YTHDC2: variants seen among roughly 807,000 people sequenced by gnomAD.
YTHDC2 encodes the protein 3'-5' RNA helicase YTHDC2.
YTHDC2 carries 45 observed loss-of-function variants against 174.9 expected under a neutral mutation model. That is an observed-to-expected ratio of 0.26 (90% CI 0.20 to 0.33). The LOEUF (loss-of-function observed/expected upper bound fraction) is 0.33, where lower values mean the gene tolerates loss of function less well. YTHDC2 is among the 10% of genes least tolerant of loss of function. YTHDC2 has a pLI of 1.00. For missense variants in YTHDC2, 1,650 were observed against 1,723.7 expected (o/e 0.96, Z 0.76); for synonymous variants, 657 against 574.5 (o/e 1.14, Z -2.05).
At chr5:113,574,324 G>A (rs1479307353) in intron 23 of YTHDC2, among the ~76,000 whole-genome samples, 4 of 152,168 alleles carry the variant, frequency 2.6e-5, no homozygotes, top group Non-Finnish European at 5.9e-5. Context: ...ATGGAAGCCA[G>A]CTCCTTCCTC....
intron 4 of YTHDC2, among the ~76,000 whole-genome samples, chr5:113,532,585 A>G (rs1453744985): frequency 6.6e-6 from 1 of 152,166 alleles, no homozygotes; most frequent in Non-Finnish European, 1.5e-5. Context: ...TTTTCTTTAT[A>G]TATTCAGGTC....
At chr5:113,581,174 C>T in intron 24 of YTHDC2, 1 of 349,462 alleles carries the variant, frequency 2.9e-6, no homozygotes, top group Non-Finnish European at 5.1e-6. Context: ...CACACTCTGC[C>T]ACAACTATTG....
At chr5:113,577,362 GTGTTTGTT>G (rs71719068) in intron 23 of YTHDC2, among the ~76,000 whole-genome samples, 20 of 151,224 alleles carry the variant, frequency 1.3e-4, no homozygotes, top group South Asian at 4.2e-4. Context: ...CAGTTCTTTT[GTGTTTGTT>G]TGTTTGTTTG....
At chr5:113,524,917 G>T (rs1774112349) in intron 2 of YTHDC2, 64 bp from the exon 3 acceptor site, 1 of 1,163,816 alleles carries the variant, frequency 8.6e-7, no homozygotes, top group East Asian at 3.0e-5. Flanking sequence ...TTCTAAGTGG[G>T]CATACATCAT....
At chr5:113,543,737 C>G (rs1381652275) in intron 10 of YTHDC2, among the ~76,000 whole-genome samples, 1 of 152,176 alleles carries the variant, frequency 6.6e-6, no homozygotes. Context: ...TTGCCACTTG[C>G]CTCCTTGTTC....
At chr5:113,579,514 T>A (rs1778264140) in intron 23 of YTHDC2, 72 bp from the exon 24 acceptor site, 1 of 1,162,444 alleles carries the variant, frequency 8.6e-7, no homozygotes, top group South Asian at 1.7e-5. Context: ...TGAAGCGTAT[T>A]TATTCTTCTT....
chr5:113,542,934 A>G (rs1377384420), intron 10 of YTHDC2, among the ~76,000 whole-genome samples: 2 of 152,160 alleles, frequency 1.3e-5, no homozygotes, highest in Admixed American at 6.5e-5. Flanking sequence ...AACTTCCAGT[A>G]TTTCATACTT....
chr5:113,535,497 G>C, intron 6 of YTHDC2, 145 bp from the exon 7 acceptor site: 1 of 702,936 alleles, frequency 1.4e-6, no homozygotes, highest in Non-Finnish European at 2.1e-6. Context: ...TGAAATTCCT[G>C]TAATACAAAA....
intron 12 of YTHDC2, among the ~76,000 whole-genome samples, chr5:113,550,520 T>C (rs1776181321): frequency 1.3e-5 from 2 of 152,122 alleles, no homozygotes; most frequent in African/African-American, 4.8e-5. Flanking sequence ...TAACAAAAAT[T>C]GTAGGAACTG....
At chr5:113,533,504 G>A (rs180812777) in intron 5 of YTHDC2, among the ~76,000 whole-genome samples, 2 of 151,024 alleles carry the variant, frequency 1.3e-5, no homozygotes, top group East Asian at 2.0e-4. Flanking sequence ...AGCTGAGATC[G>A]CACCATGGCA....
intron 22 of YTHDC2, 131 bp downstream of exon 22, chr5:113,567,428 C>A (rs28369527): frequency 0.21 from 75,425 of 358,842 alleles, 11,945 homozygotes; most frequent in African/African-American, 0.57. Context: ...ATATATATAT[C>A]ATTAAATATT....
At chr5:113,519,367 G>T (rs1773705469) in intron 2 of YTHDC2, among the ~76,000 whole-genome samples, 1 of 152,050 alleles carries the variant, frequency 6.6e-6, no homozygotes, top group African/African-American at 2.4e-5. Flanking sequence ...TCACGCTGAG[G>T]TCAGTGTGTT....
chr5:113,592,283 C>T (rs1779050326), intron 28 of YTHDC2, 105 bp downstream of exon 28: 1 of 1,142,056 alleles, frequency 8.8e-7, no homozygotes, highest in Non-Finnish European at 1.2e-6. Context: ...TTTTATATTC[C>T]ATATGCACAT....
intron 4 of YTHDC2, among the ~76,000 whole-genome samples, chr5:113,529,104 A>G (rs922792698): frequency 6.6e-6 from 1 of 152,176 alleles, no homozygotes; most frequent in African/African-American, 2.4e-5. Context: ...ACAACTGCAT[A>G]GTATTCGTGA....
intron 4 of YTHDC2, among the ~76,000 whole-genome samples, chr5:113,528,810 G>C (rs552306298): frequency 1.3e-5 from 2 of 152,264 alleles, no homozygotes; most frequent in African/African-American, 4.8e-5. Flanking sequence ...TGCCTGGCCA[G>C]AAAATGAAAG....
intron 2 of YTHDC2, among the ~76,000 whole-genome samples, chr5:113,522,752 G>A (rs986848807): frequency 6.6e-6 from 1 of 152,086 alleles, no homozygotes; most frequent in African/African-American, 2.4e-5. Context: ...CAACAATGAG[G>A]TGAATATTTT....
intron 4 of YTHDC2, among the ~76,000 whole-genome samples, chr5:113,530,165 T>G (rs888807088): frequency 8.5e-5 from 13 of 152,208 alleles, no homozygotes; most frequent in African/African-American, 2.4e-5. Flanking sequence ...GAAATTTATT[T>G]TATTGTATTA....
At chr5:113,584,570 T>C in intron 26 of YTHDC2, 91 bp downstream of exon 26, 1 of 1,130,988 alleles carries the variant, frequency 8.8e-7, no homozygotes, top group Non-Finnish European at 1.2e-6. Context: ...TTAGAGTACT[T>C]TTCTAATTGT....
chr5:113,572,620 A>G (rs147612803), intron 23 of YTHDC2, among the ~76,000 whole-genome samples: 2,535 of 152,292 alleles, frequency 0.017, 72 homozygotes, highest in African/African-American at 0.058. Flanking sequence ...GTAGGTCTCT[A>G]AGAACTTGTT....
Sources: gnomAD v4.1 joint callset for allele counts (sites outside exome capture counted in the v4.1 genomes callset) on GRCh38, gnomAD v4.1.1 for gene constraint, MANE v1.5 for transcripts, NCBI Gene and HGNC (gene_info 2026-07-23, HGNC 2026-07-21) for gene names.